Variants in FARP1 observed in about 807,000 individuals in gnomAD.
FARP1 encodes the protein FERM, ARH/RhoGEF and pleckstrin domain protein 1.
A neutral mutation model predicts 128.8 loss-of-function variants in FARP1; 52 were observed. The observed-to-expected ratio is 0.40, with a 90% CI of 0.32 to 0.51. FARP1 has a LOEUF of 0.51. FARP1 is among the 20% of genes least tolerant of loss of function. The probability of loss-of-function intolerance (pLI) is 0.45; values close to 1 mark genes in which losing one functional copy is unlikely to be tolerated. For missense variants in FARP1, 1,333 were observed against 1,367.9 expected (o/e 0.97, Z 0.40); for synonymous variants, 580 against 551.8 (o/e 1.05, Z -0.72).
At chr13:98,292,380 T>A (rs1361933983) in intron 2 of FARP1, among the ~76,000 whole-genome samples, 3 of 152,196 alleles carry the variant, frequency 2.0e-5, no homozygotes, top group Non-Finnish European at 4.4e-5. Flanking sequence ...AAGTACTTGG[T>A]AAAAATGAAA....
intron 1 of FARP1, among the ~76,000 whole-genome samples, chr13:98,211,736 C>T (rs367992340): frequency 3.3e-5 from 5 of 152,298 alleles, no homozygotes; most frequent in Middle Eastern, 3.4e-3. Flanking sequence ...TGATGGAAGG[C>T]TTCCCTCTCT....
chr13:98,377,127 C>A (rs977734748), intron 5 of FARP1, among the ~76,000 whole-genome samples: 16 of 151,586 alleles, frequency 1.1e-4, no homozygotes, highest in African/African-American at 3.9e-4. Context: ...ATGGTGAAAC[C>A]CCGTCTCTAC....
intron 2 of FARP1, among the ~76,000 whole-genome samples, chr13:98,242,491 C>T (rs1236117610): frequency 2.0e-5 from 3 of 152,082 alleles, no homozygotes; most frequent in African/African-American, 4.8e-5. Flanking sequence ...GCCTGGGCAA[C>T]ATAGTGAGAC....
At chr13:98,155,712 G>A (rs1876457528) in intron 1 of FARP1, among the ~76,000 whole-genome samples, 1 of 152,044 alleles carries the variant, frequency 6.6e-6, no homozygotes, top group South Asian at 2.1e-4. Context: ...AGAGACGGGA[G>A]TCTCACAGTG....
At chr13:98,321,771 T>G (rs191267569) in intron 2 of FARP1, among the ~76,000 whole-genome samples, 23 of 152,340 alleles carry the variant, frequency 1.5e-4, no homozygotes, top group African/African-American at 4.8e-4. Context: ...GCATTGTTAT[T>G]TGGAAATTTT....
intron 2 of FARP1, among the ~76,000 whole-genome samples, chr13:98,321,772 T>G (rs1340585424): frequency 1.3e-4 from 20 of 152,234 alleles, no homozygotes; most frequent in Admixed American, 1.2e-3. Flanking sequence ...CATTGTTATT[T>G]GGAAATTTTA....
intron 26 of FARP1, 103 bp from the exon 27 acceptor site, chr13:98,448,133 C>A (rs1892972116): frequency 1.1e-6 from 1 of 948,926 alleles, no homozygotes; most frequent in South Asian, 1.4e-5. Flanking sequence ...GATTACCAAC[C>A]AGGCGGCCTG....
At chr13:98,145,561 AC>A (rs1594194744) in intron 1 of FARP1, among the ~76,000 whole-genome samples, 2 of 114,444 alleles carry the variant, frequency 1.7e-5, no homozygotes, top group East Asian at 4.7e-4. Flanking sequence ...TTTTTGTTTC[AC>A]TTTTCGTTAA....
chr13:98,443,441 C>T (rs185925167), intron 24 of FARP1, among the ~76,000 whole-genome samples: 4 of 152,338 alleles, frequency 2.6e-5, no homozygotes, highest in East Asian at 1.9e-4. Context: ...GCCAAATGCT[C>T]GCTGACTCGC....
At chr13:98,190,497 T>G (rs767196804) in intron 1 of FARP1, among the ~76,000 whole-genome samples, 3 of 152,334 alleles carry the variant, frequency 2.0e-5, no homozygotes, top group Admixed American at 1.3e-4. Flanking sequence ...GATAGGAAAT[T>G]AGCAGGATCC....
intron 4 of FARP1, among the ~76,000 whole-genome samples, chr13:98,366,839 C>T (rs886639110): frequency 6.6e-6 from 1 of 152,132 alleles, no homozygotes; most frequent in Non-Finnish European, 1.5e-5. Context: ...GTTTTTTTCT[C>T]CCAATTTTGT....
intron 15 of FARP1, 44 bp downstream of exon 15, chr13:98,410,867 T>A (rs1891165277): frequency 1.0e-6 from 1 of 985,454 alleles, no homozygotes; most frequent in Non-Finnish European, 1.6e-6. Context: ...ACATGATTTA[T>A]CTCAGCTAAT....
At chr13:98,323,341 T>C (rs1887087149) in intron 2 of FARP1, among the ~76,000 whole-genome samples, 1 of 152,004 alleles carries the variant, frequency 6.6e-6, no homozygotes, top group Non-Finnish European at 1.5e-5. Context: ...CTCGATTTTA[T>C]TTAAAATATG....
At chr13:98,245,093 C>T in intron 2 of FARP1, 1 of 1,006,462 alleles carries the variant, frequency 9.9e-7, no homozygotes, top group Non-Finnish European at 1.2e-6. Context: ...CCTGAGTGGT[C>T]TCTTAATTAG....
intron 2 of FARP1, among the ~76,000 whole-genome samples, chr13:98,295,046 T>TACACACAC (rs746373395): frequency 4.9e-4 from 53 of 108,384 alleles, no homozygotes; most frequent in Non-Finnish European, 6.7e-4. Flanking sequence ...ATATATATAT[T>TACACACAC]ACACACACAC....
intron 17 of FARP1, 94 bp downstream of exon 17, chr13:98,424,744 T>TACG: frequency 1.2e-6 from 1 of 836,522 alleles, no homozygotes; most frequent in South Asian, 1.4e-5. Flanking sequence ...TCCATCAGCA[T>TACG]GCATCACCTG....
At chr13:98,442,675 G>T (rs1294701863) in intron 24 of FARP1, among the ~76,000 whole-genome samples, 1 of 152,204 alleles carries the variant, frequency 6.6e-6, no homozygotes, top group Non-Finnish European at 1.5e-5. Context: ...CCAGGGGATG[G>T]GGATTATGAT....
intron 2 of FARP1, among the ~76,000 whole-genome samples, chr13:98,287,805 T>C (rs1435503179): frequency 3.5e-4 from 51 of 147,462 alleles, no homozygotes; most frequent in African/African-American, 1.3e-3. Context: ...CACTTCTTTT[T>C]TTTTTTTTTT....
At chr13:98,240,111 C>G (rs1882677112) in intron 2 of FARP1, among the ~76,000 whole-genome samples, 1 of 152,154 alleles carries the variant, frequency 6.6e-6, no homozygotes, top group Non-Finnish European at 1.5e-5. Flanking sequence ...CTCTTCTACC[C>G]TTGCACGGGG....
Sources: gnomAD v4.1 joint callset for allele counts (sites outside exome capture counted in the v4.1 genomes callset) on GRCh38, gnomAD v4.1.1 for gene constraint, MANE v1.5 for transcripts, NCBI Gene and HGNC (gene_info 2026-07-23, HGNC 2026-07-21) for gene names.